The following CDC42BPA variants were observed in gnomAD, a reference collection of about 807,000 sequenced individuals.
CDC42BPA encodes CDC42 binding protein kinase alpha.
A neutral mutation model predicts 223.5 loss-of-function variants in CDC42BPA; 80 were observed. That is an observed-to-expected ratio of 0.36 (90% CI 0.30 to 0.43). The LOEUF (loss-of-function observed/expected upper bound fraction) is 0.43. Among genes scored for constraint, CDC42BPA ranks in the 20% least tolerant of loss-of-function variants. The pLI is 1.00. For synonymous variants in CDC42BPA, 694 were observed against 718.6 expected, an observed-to-expected ratio of 0.97 and a Z score of 0.55; for missense variants, 1,743 against 2,099.9, an observed-to-expected ratio of 0.83 and a Z score of 3.32.
chr1:227,049,801 C>T (rs770706150), intron 22 of CDC42BPA, among the ~76,000 whole-genome samples: 3 of 152,082 alleles, frequency 2.0e-5, no homozygotes, highest in Non-Finnish European at 4.4e-5. Context: ...AGCAGGGTCA[C>T]TTGTTCACAT....
intron 3 of CDC42BPA, among the ~76,000 whole-genome samples, chr1:227,212,112 A>G (rs1349756583): frequency 6.6e-6 from 1 of 151,940 alleles, no homozygotes; most frequent in Non-Finnish European, 1.5e-5. Flanking sequence ...GTTTAAAAAA[A>G]AAAACTAAAA....
intron 5 of CDC42BPA, among the ~76,000 whole-genome samples, chr1:227,185,290 C>T (rs1163329717): frequency 6.6e-6 from 1 of 152,042 alleles, no homozygotes; most frequent in Non-Finnish European, 1.5e-5. Flanking sequence ...AGAATGAAAG[C>T]CTTGGGTCTT....
chr1:227,063,442 T>C (rs2148979580), intron 21 of CDC42BPA, among the ~76,000 whole-genome samples: 1 of 152,228 alleles, frequency 6.6e-6, no homozygotes, highest in Non-Finnish European at 1.5e-5. Context: ...CTAGAGGTCT[T>C]ATTTAATAAA....
At chr1:227,081,602 G>A (rs10916085) in intron 16 of CDC42BPA, among the ~76,000 whole-genome samples, 30,360 of 151,496 alleles carry the variant, frequency 0.2, 3,146 homozygotes, top group East Asian at 0.26. Context: ...ACAGATGTGC[G>A]CCATCACGCC....
rs1660683728 is a variant in CDC42BPA, at chr1:226,991,086, A to G, written c.*3182T>C. The G allele has an allele frequency of 6.6e-6, 1 of 152,650 alleles. No homozygotes were observed. The highest frequency in any genetic ancestry group is 2.4e-5 in the African/African-American group (1 of 41,460). The allele number at this position is 152,650 out of a possible 1,614,324, so 9.5% of individuals were successfully genotyped here. On this transcript the variant is annotated 3_prime_UTR_variant, in exon 37 of 37. Coordinates refer to ENST00000366766, the MANE Select transcript of CDC42BPA (RefSeq NM_001394014.1). ...AGAAGCAAGACTTTTGTTTTTGGCA[A>G]AAAGAATATATATGTATGTAATTTT...
intron 5 of CDC42BPA, among the ~76,000 whole-genome samples, chr1:227,189,346 A>G (rs1669343413): frequency 6.6e-6 from 1 of 152,242 alleles, no homozygotes; most frequent in African/African-American, 2.4e-5. Context: ...ATAGACCTAG[A>G]CAGAAAAATG....
At chr1:227,203,421 C>T (rs1485835583) in intron 3 of CDC42BPA, among the ~76,000 whole-genome samples, 1 of 152,084 alleles carries the variant, frequency 6.6e-6, no homozygotes, top group African/African-American at 2.4e-5. Context: ...TCAATGAAGT[C>T]CCTGTTGAGA....
chr1:227,130,281 T>A (rs1174577289), intron 10 of CDC42BPA, among the ~76,000 whole-genome samples: 1 of 152,210 alleles, frequency 6.6e-6, no homozygotes, highest in African/African-American at 2.4e-5. Context: ...TGTGTGTGCA[T>A]ATGTACGTGT....
chr1:227,012,504 T>C (rs186465836), intron 34 of CDC42BPA, among the ~76,000 whole-genome samples: 58 of 152,170 alleles, frequency 3.8e-4, no homozygotes, highest in African/African-American at 1.2e-3. Flanking sequence ...ACAATTCTGT[T>C]TCAAGAACAT....
At chr1:227,304,095 A>G (rs1050911317) in intron 1 of CDC42BPA, among the ~76,000 whole-genome samples, 2 of 152,134 alleles carry the variant, frequency 1.3e-5, no homozygotes, top group Admixed American at 6.5e-5. Flanking sequence ...ATAAATGACT[A>G]CTCATATAAG....
At chr1:227,237,510 G>A (rs971519719) in intron 2 of CDC42BPA, among the ~76,000 whole-genome samples, 2 of 152,112 alleles carry the variant, frequency 1.3e-5, no homozygotes, top group Non-Finnish European at 2.9e-5. Context: ...TGGAGATCGC[G>A]CTACATAGGT....
chr1:227,161,149 C>T (rs1949227), intron 5 of CDC42BPA, among the ~76,000 whole-genome samples: 137,335 of 152,238 alleles, frequency 0.9, 62,387 homozygotes, highest in Middle Eastern at 0.96. Context: ...GCCTAATAGA[C>T]TGTCTATATT....
At chr1:227,168,497 G>GTGTTTTGTTGTT (rs1302291274) in intron 5 of CDC42BPA, among the ~76,000 whole-genome samples, 4 of 80,196 alleles carry the variant, frequency 5.0e-5, no homozygotes, top group African/African-American at 1.5e-4. Flanking sequence ...CTTCCCTGGT[G>GTGTTTTGTTGTT]TTTTTTTTTT....
intron 10 of CDC42BPA, among the ~76,000 whole-genome samples, chr1:227,136,369 AG>A (rs1477149928): frequency 6.6e-6 from 1 of 152,214 alleles, no homozygotes; most frequent in Non-Finnish European, 1.5e-5. Flanking sequence ...AAAGAACGGA[AG>A]GAACAGAACA....
intron 6 of CDC42BPA, among the ~76,000 whole-genome samples, chr1:227,148,037 T>G (rs548277696): frequency 6.6e-6 from 1 of 152,152 alleles, no homozygotes; most frequent in Non-Finnish European, 1.5e-5. Context: ...ACGTCAATAA[T>G]GTACAACAAA....
chr1:226,997,962 C>T (rs116023090), intron 35 of CDC42BPA, among the ~76,000 whole-genome samples: 3,194 of 152,086 alleles, frequency 0.021, 118 homozygotes, highest in African/African-American at 0.071. Context: ...GTATTAGGTC[C>T]GCTTGAACCA....
chr1:227,253,273 C>CGT (rs1558876197), intron 2 of CDC42BPA, among the ~76,000 whole-genome samples: 1 of 106,326 alleles, frequency 9.4e-6, no homozygotes, highest in Non-Finnish European at 2.1e-5. Flanking sequence ...AGAGAGCGCG[C>CGT]GCGCGTGCGC....
At chr1:227,227,082 A>G (rs762791877) in intron 2 of CDC42BPA, among the ~76,000 whole-genome samples, 1 of 152,180 alleles carries the variant, frequency 6.6e-6, no homozygotes, top group African/African-American at 2.4e-5. Context: ...GCATAACTAA[A>G]AAAGTATAAA....
At chr1:227,196,401 G>A (rs1006005071) in intron 4 of CDC42BPA, among the ~76,000 whole-genome samples, 7 of 134,138 alleles carry the variant, frequency 5.2e-5, no homozygotes, top group Non-Finnish European at 7.6e-5. Flanking sequence ...GTGCAGTGGC[G>A]TGACCTCAGC....
Sources: allele counts gnomAD v4.1 joint callset (sites outside exome capture counted in the v4.1 genomes callset), GRCh38; gene constraint gnomAD v4.1.1; transcripts MANE v1.5; gene names NCBI Gene and HGNC (gene_info 2026-07-23, HGNC 2026-07-21).